The following POF1B variants were observed in gnomAD, a reference collection of about 807,000 sequenced individuals.
POF1B encodes POF1B actin binding protein, also known as protein POF1B.
A neutral mutation model predicts 55.3 loss-of-function variants in POF1B; 53 were observed. That is an observed-to-expected ratio of 0.96 (90% CI 0.77 to 1.20). POF1B has a LOEUF of 1.20. Among genes scored for constraint, POF1B ranks in the 50% most tolerant of loss-of-function variants. The pLI, the probability that POF1B is intolerant of heterozygous loss-of-function variation, is 0.00. For synonymous variants in POF1B, 188 were observed against 148.3 expected (o/e 1.27, Z -1.95); for missense variants, 478 against 420.5 (o/e 1.14, Z -1.20).
At chrX:85,303,107 T>C (rs767933208) in intron 15 of POF1B, among the ~76,000 whole-genome samples, 10 of 111,727 alleles carry the variant, frequency 9.0e-5, no homozygotes, top group African/African-American at 2.9e-4. Context: ...CCAGTTTACA[T>C]TGGGTCTCTT....
At chrX:85,350,793 T>G (rs145443276) in intron 5 of POF1B, among the ~76,000 whole-genome samples, 1 of 111,273 alleles carries the variant, frequency 9.0e-6, no homozygotes, top group African/African-American at 3.3e-5. Context: ...TGAGGTACCA[T>G]CTCACACCAG....
chrX:85,363,748 G>A (rs1353394786), intron 3 of POF1B, among the ~76,000 whole-genome samples: 2 of 111,411 alleles, frequency 1.8e-5, no homozygotes, highest in African/African-American at 6.5e-5. Flanking sequence ...GAGTTCCGTA[G>A]AGGTCTATCT....
At position 85,284,604 on chromosome X, in the gene POF1B, T is replaced by C. The variant is rs1368853891; in HGVS notation, c.1650-2287A>G. ...GTGCTGGGAAAACTGGCTAGCCATA[T>C]GTAGAAAGCTGAAACTGGATCCCTT... On this transcript the variant is annotated intron_variant, in intron 15 of 16. Coordinates refer to ENST00000262753, the MANE Select transcript of POF1B (RefSeq NM_024921.4). 4.5e-5 allele frequency among the ~76,000 whole-genome samples: 5 copies of C among 110,461 alleles called. No homozygotes were observed. The East Asian group carries it at 1.1e-3, about 25-fold the overall frequency.
At chrX:85,354,551 G>A (rs1453340349) in intron 4 of POF1B, among the ~76,000 whole-genome samples, 1 of 110,692 alleles carries the variant, frequency 9.0e-6, no homozygotes. Context: ...TGTATATCTA[G>A]AAAACCCCAT....
rs185847306 is a variant in POF1B, at chrX:85,307,800, T to C, written c.1050+324A>G. Among the ~76,000 whole-genome samples, 120 of 111,861 alleles carry C rather than the reference T, an allele frequency of 1.1e-3. 1 individual carries two copies. Among genetic ancestry groups the C allele is most frequent in the African/African-American group, 3.8e-3 (116 of 30,893 alleles). ...GAATGGAAATTCAGAGTATGCTTTA[T>C]AATTATGAAAAAGGGGGAATTTACC... On this transcript the variant is annotated intron_variant, in intron 10 of 16. Coordinates refer to ENST00000262753, the MANE Select transcript of POF1B (RefSeq NM_024921.4).
chrX:85,317,788 T>C (rs1024774857), intron 7 of POF1B, among the ~76,000 whole-genome samples: 1 of 111,852 alleles, frequency 8.9e-6, no homozygotes, highest in African/African-American at 3.3e-5. Context: ...ATTGCAGCAC[T>C]ATTCACAATA....
intron 4 of POF1B, among the ~76,000 whole-genome samples, chrX:85,356,447 A>G (rs1764740591): frequency 9.1e-6 from 1 of 109,880 alleles, no homozygotes; most frequent in African/African-American, 3.3e-5. Context: ...CCTAGAACTT[A>G]AAGTATAATA....
At chrX:85,342,533 A>G (rs1041453293) in intron 6 of POF1B, among the ~76,000 whole-genome samples, 1 of 111,364 alleles carries the variant, frequency 9.0e-6, no homozygotes, top group African/African-American at 3.3e-5. Flanking sequence ...TTGTACATTA[A>G]AGTATGATTC....
chrX:85,347,431 G>A (rs1933295060), intron 5 of POF1B, among the ~76,000 whole-genome samples: 1 of 110,948 alleles, frequency 9.0e-6, no homozygotes, highest in Admixed American at 9.7e-5. Context: ...TGTTTTAAAA[G>A]TGACGTATAC....
At chrX:85,316,000 G>A (rs926386862) in intron 7 of POF1B, among the ~76,000 whole-genome samples, 10 of 111,081 alleles carry the variant, frequency 9.0e-5, no homozygotes, top group African/African-American at 2.6e-4. Context: ...AGTACCATCC[G>A]TTAGCACCAG....
chrX:85,377,144 A>C (rs2147956109), intron 2 of POF1B, among the ~76,000 whole-genome samples: 1 of 111,934 alleles, frequency 8.9e-6, no homozygotes, highest in African/African-American at 3.2e-5. Flanking sequence ...GTTTTTGAGT[A>C]ATATGTACTG....
chrX:85,324,116 A>G (rs954160842), intron 7 of POF1B, among the ~76,000 whole-genome samples: 2 of 111,928 alleles, frequency 1.8e-5, no homozygotes, highest in Non-Finnish European at 3.8e-5. Context: ...GTATTTGCTG[A>G]TGATTGCTTT....
At chrX:85,377,484 A>G (rs1017238754) in intron 2 of POF1B, among the ~76,000 whole-genome samples, 1 of 111,527 alleles carries the variant, frequency 9.0e-6, no homozygotes. Context: ...CCTTTACCAC[A>G]TAGCTTAACT....
chrX:85,311,198 C>T (rs1932687936), intron 9 of POF1B, among the ~76,000 whole-genome samples: 1 of 111,113 alleles, frequency 9.0e-6, no homozygotes, highest in African/African-American at 3.3e-5. Flanking sequence ...TCCTTCTTTT[C>T]TAGAGTTTTC....
intron 2 of POF1B, among the ~76,000 whole-genome samples, chrX:85,378,024 G>C (rs1186247647): frequency 8.9e-6 from 1 of 111,750 alleles, no homozygotes; most frequent in Non-Finnish European, 1.9e-5. Context: ...CATTCATTTT[G>C]TTCTGCATTA....
intron 15 of POF1B, among the ~76,000 whole-genome samples, chrX:85,300,795 G>C (rs1042731521): frequency 4.5e-5 from 5 of 111,826 alleles, no homozygotes; most frequent in Non-Finnish European, 7.5e-5. Flanking sequence ...TAAAGGAAAG[G>C]ATGAGAGTTG....
At position 85,302,733 on chromosome X, in the gene POF1B, T is replaced by C. The variant is rs1196095901; in HGVS notation, c.1649+673A>G. Among the ~76,000 whole-genome samples, 22 of 112,112 alleles carry C rather than the reference T, an allele frequency of 2.0e-4. No homozygotes were observed. In the Admixed American group the frequency reaches 2.1e-3, roughly 11 times the overall value. ...TATATCCATACAACTGGATATTATT[T>C]AGCAACCAAAAGGAATGAAGTCTTG... On this transcript the variant is annotated intron_variant, in intron 15 of 16. Coordinates refer to ENST00000262753, the MANE Select transcript of POF1B (RefSeq NM_024921.4).
intron 7 of POF1B, among the ~76,000 whole-genome samples, chrX:85,327,688 T>A (rs1490108452): frequency 1.8e-5 from 2 of 112,382 alleles, no homozygotes; most frequent in Admixed American, 9.4e-5. Context: ...AAAATGTGAA[T>A]CACAATGCAG....
chrX:85,299,276 C>T (rs1237185313), intron 15 of POF1B, among the ~76,000 whole-genome samples: 76 of 95,301 alleles, frequency 8.0e-4, no homozygotes, highest in Non-Finnish European at 1.1e-3. Context: ...ACTGCAAGCT[C>T]CACCTCCTGT....
Sources: gnomAD v4.1 joint callset for allele counts (sites outside exome capture counted in the v4.1 genomes callset) on GRCh38, gnomAD v4.1.1 for gene constraint, MANE v1.5 for transcripts, NCBI Gene and HGNC (gene_info 2026-07-23, HGNC 2026-07-21) for gene names.